CAPS2: variants seen among roughly 807,000 people sequenced by gnomAD.
CAPS2 encodes the protein calcyphosin-2.
In CAPS2, 98 loss-of-function variants were observed where a neutral mutation model predicts 86.5. The ratio of observed to expected loss-of-function variants is 1.13; its 90% CI spans 0.96 to 1.34. The LOEUF (loss-of-function observed/expected upper bound fraction) is 1.34. Among genes scored for constraint, CAPS2 ranks in the 40% most tolerant of loss-of-function variants. The pLI, the probability that CAPS2 is intolerant of heterozygous loss-of-function variation, is 0.00. For synonymous variants in CAPS2, 210 were observed against 225.1 expected (o/e 0.93, Z 0.60); for missense variants, 729 against 686.8 (o/e 1.06, Z -0.69).
chr12:75,322,694 A>AC (rs2040415447), intron 4 of CAPS2, among the ~76,000 whole-genome samples: 1 of 152,362 alleles, frequency 6.6e-6, no homozygotes, highest in East Asian at 1.9e-4. Context: ...GACCAGTCTT[A>AC]CATTGCTTAA....
rs1422509952 is a variant in CAPS2 at position 75,369,800 on chromosome 12, TTAAG to T, written c.-395+21034_-395+21037del. Reference sequence around the variant, plus strand: ...TTGGTAGGAAGCATCGTAAAGAGTTTTAAGTACTGTAGGATTGAGTAGGAAAGTT... The same window carrying T: ...TTGGTAGGAAGCATCGTAAAGAGTTTTACTGTAGGATTGAGTAGGAAAGTT... On this transcript the variant is annotated intron_variant, in intron 1 of 5. Transcript: ENST00000551829. The T allele has an allele frequency of 3.8e-5, 37 of 982,416 alleles. No individual in the cohort carries two copies. In the East Asian group the frequency reaches 3.4e-3, roughly 91 times the overall value. The allele number at this position is 982,416 out of a possible 1,614,324, so 60.9% of individuals were successfully genotyped here.
chr12:75,381,490 A>G (rs952055228), intron 1 of CAPS2, among the ~76,000 whole-genome samples: 4 of 150,950 alleles, frequency 2.6e-5, no homozygotes, highest in African/African-American at 9.7e-5. Flanking sequence ...TGAAAAGAGT[A>G]GATGCAGGAT....
At chr12:75,334,812 C>T (rs1200560647), upstream of CAPS2, 1 of 1,614,000 alleles carries the variant, frequency 6.2e-7, no homozygotes, top group African/African-American at 1.3e-5. Flanking sequence ...TCCCATCCAT[C>T]ACTGACCCAC....
At chr12:75,377,942 C>T (rs958712100) in intron 1 of CAPS2, among the ~76,000 whole-genome samples, 1 of 151,176 alleles carries the variant, frequency 6.6e-6, no homozygotes, top group African/African-American at 2.4e-5. Flanking sequence ...TAGAACTGAA[C>T]ATTGTTTTGT....
intron 1 of CAPS2, chr12:75,343,735 A>G: frequency 1.2e-6 from 2 of 1,612,772 alleles, no homozygotes; most frequent in Non-Finnish European, 1.7e-6. Context: ...AGCATGGGCA[A>G]ACCAGTGCAA....
At chr12:75,333,139 C>T (rs2041449566), upstream of CAPS2, among the ~76,000 whole-genome samples, 1 of 152,006 alleles carries the variant, frequency 6.6e-6, no homozygotes, top group Non-Finnish European at 1.5e-5. Flanking sequence ...GTAATGTGAG[C>T]CAATTCCTTA....
intron 1 of CAPS2, among the ~76,000 whole-genome samples, chr12:75,370,850 G>C (rs1036874232): frequency 6.6e-6 from 1 of 151,920 alleles, no homozygotes; most frequent in Admixed American, 6.6e-5. Context: ...TTCAGTACTG[G>C]CATTTCTTTT....
intron 1 of CAPS2, among the ~76,000 whole-genome samples, chr12:75,378,951 T>G (rs1413549299): frequency 6.6e-6 from 1 of 152,220 alleles, no homozygotes; most frequent in African/African-American, 2.4e-5. Context: ...ATTACTTGCT[T>G]TTTAACTTGT....
intron 1 of CAPS2, among the ~76,000 whole-genome samples, chr12:75,341,750 T>C (rs1007697304): frequency 7.2e-6 from 1 of 138,458 alleles, no homozygotes; most frequent in African/African-American, 2.7e-5. Context: ...CCGGCCTCTT[T>C]TTTTTTTTTT....
chr12:75,289,817 C>A (rs111709227), intron 13 of CAPS2, 42 bp from the exon 14 acceptor site: 1 of 1,447,724 alleles, frequency 6.9e-7, no homozygotes, highest in Non-Finnish European at 9.5e-7. Context: ...TGTTCCTATG[C>A]ATAAATGTAT....
intron 14 of CAPS2, among the ~76,000 whole-genome samples, chr12:75,287,953 G>C (rs902830739): frequency 1.3e-5 from 2 of 152,192 alleles, no homozygotes; most frequent in African/African-American, 4.8e-5. Context: ...CCTCCAGGTA[G>C]ATAATGTCAG....
At chr12:75,340,278 CTT>C (rs1043897862) in intron 1 of CAPS2, among the ~76,000 whole-genome samples, 1 of 151,524 alleles carries the variant, frequency 6.6e-6, no homozygotes, top group Non-Finnish European at 1.5e-5. Flanking sequence ...GTGCTAGTGT[CTT>C]TTTCAAAAAA....
intron 15 of CAPS2, 67 bp downstream of exon 15, chr12:75,284,894 G>C: frequency 7.2e-7 from 1 of 1,391,806 alleles, no homozygotes. Flanking sequence ...ATTCATTAAA[G>C]TTTTAAAATA....
At chr12:75,319,629 G>A (rs1158181389) in intron 5 of CAPS2, among the ~76,000 whole-genome samples, 1 of 152,064 alleles carries the variant, frequency 6.6e-6, no homozygotes, top group African/African-American at 2.4e-5. Flanking sequence ...GAATCAAGTA[G>A]AGTCAAACTT....
chr12:75,390,776 T>C (rs929009120), intron 1 of CAPS2: 12 of 520,924 alleles, frequency 2.3e-5, no homozygotes, highest in Non-Finnish European at 4.2e-5. Flanking sequence ...TATCATTCAG[T>C]GTCAGAAATC....
chr12:75,346,315 A>G (rs2042441431), intron 1 of CAPS2, among the ~76,000 whole-genome samples: 1 of 152,030 alleles, frequency 6.6e-6, no homozygotes, highest in African/African-American at 2.4e-5. Flanking sequence ...ACCTTATCTC[A>G]TTTCATTAAG....
chr12:75,356,547 T>G (rs1277558374), intron 1 of CAPS2, among the ~76,000 whole-genome samples: 1 of 151,560 alleles, frequency 6.6e-6, no homozygotes, highest in Non-Finnish European at 1.5e-5. Flanking sequence ...AAACAAAGAG[T>G]AATCGCAAAT....
chr12:75,343,699 G>A (rs1210752417), intron 1 of CAPS2: 3 of 1,601,600 alleles, frequency 1.9e-6, no homozygotes, highest in South Asian at 1.1e-5. Flanking sequence ...TCAGATTTGG[G>A]ATAAAGGTTT....
exon 6 of CAPS2, chr12:75,316,406 T>A (rs1468769344): frequency 6.4e-7 from 1 of 1,550,602 alleles, no homozygotes; most frequent in Admixed American, 2.0e-5. Flanking sequence ...CGTAAGGTCA[T>A]CTGTGTTGGC....
Sources: gnomAD v4.1 joint callset for allele counts (sites outside exome capture counted in the v4.1 genomes callset) on GRCh38, gnomAD v4.1.1 for gene constraint, MANE v1.5 for transcripts, NCBI Gene and HGNC (gene_info 2026-07-23, HGNC 2026-07-21) for gene names.